Variants in CTNNA2 observed in about 807,000 individuals in gnomAD.
CTNNA2 encodes the protein catenin alpha-2.
Under a neutral mutation model 101.0 loss-of-function variants are expected in CTNNA2, and 42 were observed. That is an observed-to-expected ratio of 0.42 (90% confidence interval 0.32 to 0.54). The LOEUF is 0.54. Ranked by LOEUF, CTNNA2 falls within the 20% of genes least tolerant of loss-of-function variation. CTNNA2 has a pLI of 0.14. For synonymous variants in CTNNA2, 450 were observed against 456.4 expected (o/e 0.99, Z 0.18); for missense variants, 871 against 1,223.1 (o/e 0.71, Z 4.29).
intron 15 of CTNNA2, among the ~76,000 whole-genome samples, chr2:80,594,031 T>A (rs920047477): frequency 3.3e-5 from 5 of 152,146 alleles, no homozygotes; most frequent in Non-Finnish European, 5.9e-5. Flanking sequence ...TTCTTTTAAA[T>A]GTTTGAGGAA....
At chr2:80,322,025 ACAT>A (rs1172136680) in intron 7 of CTNNA2, among the ~76,000 whole-genome samples, 2 of 152,176 alleles carry the variant, frequency 1.3e-5, no homozygotes, top group Admixed American at 6.5e-5. Flanking sequence ...ACAGAACAAA[ACAT>A]CATTTTAAAT....
intron 16 of CTNNA2, among the ~76,000 whole-genome samples, chr2:80,604,626 T>G (rs903375933): frequency 6.6e-6 from 1 of 152,110 alleles, no homozygotes; most frequent in South Asian, 2.1e-4. Context: ...TTAAAAAATA[T>G]ATATTTATTA....
Position 80,616,496 on chromosome 2 carries a change from C to T in CTNNA2, c.2431-2589C>T, listed in dbSNP as rs193060315. On this transcript the variant is annotated intron_variant, in intron 17 of 18. Transcript: ENST00000402739. ...GTTATTCCACCTGACTTTTCTCAAT[C>T]TTTTGTGCTAAGAAGCTAAACAACT... 73 of 151,786 alleles carry T rather than the reference C, an allele frequency of 4.8e-4. 1 individual carries two copies. The highest frequency in any genetic ancestry group is 2.1e-3 in the Admixed American group (32 of 15,186). The allele number at this position is 151,786 out of a possible 1,614,324, so 9.4% of individuals were successfully genotyped here. A position where few individuals can be genotyped will look rare whatever the true frequency, so the allele number is the denominator to read the frequency against.
At chr2:79,678,389 A>G (rs1460087708) in intron 2 of CTNNA2, among the ~76,000 whole-genome samples, 1 of 151,986 alleles carries the variant, frequency 6.6e-6, no homozygotes, top group Non-Finnish European at 1.5e-5. Flanking sequence ...AAAAAAATCC[A>G]AAAGTTAGTT....
intron 1 of CTNNA2, among the ~76,000 whole-genome samples, chr2:79,549,220 G>GT (rs1673931592): frequency 6.6e-6 from 1 of 152,116 alleles, no homozygotes; most frequent in African/African-American, 2.4e-5. Flanking sequence ...GCCATAGACT[G>GT]TTTTTTCAAC....
At chr2:80,468,263 T>C (rs770545863) in intron 9 of CTNNA2, among the ~76,000 whole-genome samples, 1 of 152,126 alleles carries the variant, frequency 6.6e-6, no homozygotes, top group Non-Finnish European at 1.5e-5. Flanking sequence ...AGTGCTAAAA[T>C]TTGGACCCTA....
intron 2 of CTNNA2, among the ~76,000 whole-genome samples, chr2:79,698,994 G>T (rs1684820286): frequency 6.6e-6 from 1 of 152,054 alleles, no homozygotes; most frequent in Admixed American, 6.6e-5. Flanking sequence ...TGATGAAATT[G>T]AGTGGTGACC....
At chr2:80,224,533 C>T (rs575815691) in intron 7 of CTNNA2, among the ~76,000 whole-genome samples, 2 of 150,938 alleles carry the variant, frequency 1.3e-5, no homozygotes, top group Admixed American at 1.3e-4. Flanking sequence ...CAACCTCCAT[C>T]TCCTGGGTTC....
intron 2 of CTNNA2, among the ~76,000 whole-genome samples, chr2:79,697,434 G>A (rs893409419): frequency 6.6e-6 from 1 of 152,058 alleles, no homozygotes; most frequent in African/African-American, 2.4e-5. Context: ...ATCAAGTTTA[G>A]CTCCTTATAG....
chr2:79,636,740 C>T (rs965390860), intron 1 of CTNNA2: 5 of 151,364 alleles, frequency 3.3e-5, no homozygotes, highest in Admixed American at 3.3e-4. Context: ...ACCCTAAATC[C>T]CACCACCCAG....
intron 3 of CTNNA2, among the ~76,000 whole-genome samples, chr2:79,774,676 CTA>C (rs1298815673): frequency 1.3e-5 from 2 of 152,082 alleles, no homozygotes; most frequent in Non-Finnish European, 2.9e-5. Context: ...GAACTACAAA[CTA>C]TGTATTTCAT....
chr2:79,415,051 T>C (rs1226363682), intron 4 of CTNNA2, among the ~76,000 whole-genome samples: 1 of 152,124 alleles, frequency 6.6e-6, no homozygotes, highest in Admixed American at 6.6e-5. Flanking sequence ...CCTGTTGTGG[T>C]TTAGATGTGT....
Position 79,297,473 on chromosome 2 carries a change from G to C in CTNNA2, c.-405-15236G>C, listed in dbSNP as rs537738655. On this transcript the variant is annotated intron_variant, in intron 2 of 21. Coordinates refer to the CTNNA2 transcript ENST00000466387. ...TTCTATGACAATATCAAGATCTACA[G>C]ACCCAGATTACCTCAGTTGGCCACT... 9.2e-5 allele frequency among the ~76,000 whole-genome samples: 14 copies of C among 152,184 alleles called. No homozygotes were observed. In the South Asian group the frequency reaches 2.9e-3, roughly 32 times the overall value.
chr2:79,835,666 G>GTTTTTT (rs70940048), intron 3 of CTNNA2, among the ~76,000 whole-genome samples: 3 of 58,632 alleles, frequency 5.1e-5, no homozygotes, highest in African/African-American at 1.5e-4. Context: ...GCCTCTCTTT[G>GTTTTTT]TTTTTTTTTT....
chr2:79,401,632 A>G (rs1464951995), intron 4 of CTNNA2, among the ~76,000 whole-genome samples: 3 of 151,584 alleles, frequency 2.0e-5, no homozygotes, highest in Non-Finnish European at 3.0e-5. Flanking sequence ...TCACAGGGAA[A>G]TTAAAATGAT....
At chr2:80,414,121 G>C (rs532662833) in intron 8 of CTNNA2, among the ~76,000 whole-genome samples, 2 of 152,302 alleles carry the variant, frequency 1.3e-5, no homozygotes, top group South Asian at 4.1e-4. Flanking sequence ...CTGCAGGGAA[G>C]GTTTAGCAAA....
chr2:79,940,832 T>C (rs1180168557), intron 7 of CTNNA2, among the ~76,000 whole-genome samples: 1 of 152,236 alleles, frequency 6.6e-6, no homozygotes, highest in Non-Finnish European at 1.5e-5. Flanking sequence ...TCATGTAATT[T>C]ATTGAATATC....
intron 1 of CTNNA2, among the ~76,000 whole-genome samples, chr2:79,523,945 A>G (rs1672258427): frequency 6.6e-6 from 1 of 152,012 alleles, no homozygotes; most frequent in African/African-American, 2.4e-5. Context: ...ATTTTAATTT[A>G]AGGACTGAAT....
At chr2:79,540,271 T>G (rs1338330196) in intron 1 of CTNNA2, among the ~76,000 whole-genome samples, 1 of 152,188 alleles carries the variant, frequency 6.6e-6, no homozygotes, top group African/African-American at 2.4e-5. Flanking sequence ...ACTTACTAGC[T>G]TGGGCAAGTG....
Sources: allele counts gnomAD v4.1 joint callset (sites outside exome capture counted in the v4.1 genomes callset), GRCh38; gene constraint gnomAD v4.1.1; transcripts MANE v1.5; gene names NCBI Gene and HGNC (gene_info 2026-07-23, HGNC 2026-07-21).